ABCC1: variants seen among roughly 807,000 people sequenced by gnomAD.
ABCC1 encodes the protein multidrug resistance-associated protein 1.
A neutral mutation model predicts 172.9 loss-of-function variants in ABCC1; 83 were observed. The ratio of observed to expected loss-of-function variants is 0.48; its 90% CI spans 0.40 to 0.58. The LOEUF (loss-of-function observed/expected upper bound fraction) is 0.58, where lower values mean the gene tolerates loss of function less well. Among genes scored for constraint, ABCC1 ranks in the 20% least tolerant of loss-of-function variants. The probability of loss-of-function intolerance (pLI) is 0.00; values close to 1 mark genes in which losing one functional copy is unlikely to be tolerated. For missense variants in ABCC1, 1,817 were observed against 2,002.7 expected, an observed-to-expected ratio of 0.91 and a Z score of 1.77; for synonymous variants, 937 against 825.2, an observed-to-expected ratio of 1.14 and a Z score of -2.32.
Position 16,124,896 on chromosome 16 carries a change from C to T in ABCC1, c.3698C>T (p.Ser1233Leu), listed in dbSNP as rs1398103636. The T allele has an allele frequency of 6.2e-7, 1 of 1,614,078 alleles. No homozygotes were observed. Among genetic ancestry groups the T allele is most frequent in the Non-Finnish European group, 8.5e-7 (1 of 1,180,054 alleles). ...CTCAGTGCTGGCTTGGTGGGCCTCT[C>T]AGTGTCTTACTCATTGCAGGTAAGA... The part of the protein sequence containing the change: ...HSLSAGLVGL[S>L]VSYSLQVTTY... The change falls in exon 25 of 31, where the codon TCA (serine) becomes TTA (leucine). Residue 1233 changes from serine to leucine, a missense_variant. Ser to Leu is a moderately radical substitution (Grantham distance 145). Coordinates refer to ENST00000399410, the MANE Select transcript of ABCC1 (RefSeq NM_004996.4).
Position 16,043,243 on chromosome 16 carries a change from T to TTTTTTTTCC in ABCC1, c.810-1207_810-1206insTTTTTTTCC, listed in dbSNP as rs1021835519. 4.9e-4 allele frequency among the ~76,000 whole-genome samples: 69 copies of TTTTTTTTCC among 140,856 alleles called. 3 individuals carry two copies. The highest frequency in any genetic ancestry group is 1.3e-3 in the South Asian group (6 of 4,532). The allele number at this position is 140,856 out of a possible 152,430, so 92.4% of individuals were successfully genotyped here. A position where few individuals can be genotyped will look rare whatever the true frequency, so the allele number is the denominator to read the frequency against. On this transcript the variant is annotated intron_variant, in intron 7 of 30. Coordinates refer to ENST00000399410, the MANE Select transcript of ABCC1 (RefSeq NM_004996.4). ...GACTGTTTTTTTTTTTTTTTTTTTT[T>TTTTTTTTCC]CCACTGATGTATATATGCCTATCCC...
chr16:16,105,643 A>T (rs1449994598), intron 20 of ABCC1, among the ~76,000 whole-genome samples: 1 of 151,854 alleles, frequency 6.6e-6, no homozygotes. Flanking sequence ...AGAGGAAAGT[A>T]TAGAAATTTC....
At chr16:16,086,563 T>A (rs554378652) in intron 17 of ABCC1, among the ~76,000 whole-genome samples, 18 of 152,312 alleles carry the variant, frequency 1.2e-4, no homozygotes, top group African/African-American at 4.3e-4. Flanking sequence ...CAAGCCATCT[T>A]CCCACTCAGC....
intron 22 of ABCC1, 30 bp from the exon 23 acceptor site, chr16:16,114,736 T>C (rs1265711746): frequency 6.4e-7 from 1 of 1,560,800 alleles, no homozygotes; most frequent in African/African-American, 1.3e-5. Context: ...CCTCTCTGCA[T>C]TGTGGAGTTT....
chr16:15,979,969 G>A (rs1483916054), intron 1 of ABCC1, among the ~76,000 whole-genome samples: 1 of 152,086 alleles, frequency 6.6e-6, no homozygotes, highest in Non-Finnish European at 1.5e-5. Flanking sequence ...CACAGTGAGT[G>A]GGGAGTGACA....
intron 23 of ABCC1, among the ~76,000 whole-genome samples, chr16:16,121,162 C>A (rs1301898193): frequency 6.6e-6 from 1 of 152,172 alleles, no homozygotes; most frequent in East Asian, 1.9e-4. Context: ...GTCACCCTCA[C>A]AATGACCCCG....
intron 1 of ABCC1, among the ~76,000 whole-genome samples, chr16:15,982,535 A>C (rs1187504324): frequency 6.6e-6 from 1 of 151,540 alleles, no homozygotes; most frequent in Non-Finnish European, 1.5e-5. Flanking sequence ...CACCCCCATG[A>C]TTCAGTTACC....
At chr16:16,082,692 G>T (rs1191400495) in intron 16 of ABCC1, among the ~76,000 whole-genome samples, 1 of 152,200 alleles carries the variant, frequency 6.6e-6, no homozygotes, top group Non-Finnish European at 1.5e-5. Context: ...GGTCCAGGCT[G>T]GAGTGCAGTG....
intron 5 of ABCC1, among the ~76,000 whole-genome samples, chr16:16,025,537 G>C (rs566005166): frequency 6.6e-6 from 1 of 152,174 alleles, no homozygotes; most frequent in Non-Finnish European, 1.5e-5. Context: ...CAGGGGTTGT[G>C]GGGGGCACTT....
intron 30 of ABCC1, among the ~76,000 whole-genome samples, chr16:16,139,572 A>C (rs1312447773): frequency 1.4e-5 from 2 of 139,440 alleles, no homozygotes; most frequent in Non-Finnish European, 1.5e-5. Context: ...AGATTGTGCC[A>C]CTGCAGTCCA....
At chr16:16,010,025 AT>A in intron 3 of ABCC1, 124 bp downstream of exon 3, 1 of 345,062 alleles carries the variant, frequency 2.9e-6, no homozygotes, top group Non-Finnish European at 4.5e-6. Flanking sequence ...TGGGATATAA[AT>A]TAAATGTAGC....
chr16:16,035,699 TG>T (rs2048727551), intron 6 of ABCC1, among the ~76,000 whole-genome samples: 1 of 151,680 alleles, frequency 6.6e-6, no homozygotes, highest in Non-Finnish European at 1.5e-5. Context: ...CTCCCTATGT[TG>T]TCCAGGCTGG....
chr16:16,095,735 A>T (rs1247435573), intron 19 of ABCC1, among the ~76,000 whole-genome samples: 1 of 152,084 alleles, frequency 6.6e-6, no homozygotes, highest in East Asian at 1.9e-4. Flanking sequence ...TCTGTTGCCC[A>T]GGCTGGTCTC....
intron 1 of ABCC1, among the ~76,000 whole-genome samples, chr16:15,964,514 G>A (rs1393381750): frequency 1.3e-5 from 2 of 152,100 alleles, no homozygotes; most frequent in Non-Finnish European, 2.9e-5. Flanking sequence ...TGGGATTTAG[G>A]TGGGGACACA....
intron 27 of ABCC1, among the ~76,000 whole-genome samples, chr16:16,133,370 C>CTT (rs1555504064): frequency 9.5e-6 from 1 of 104,882 alleles, no homozygotes; most frequent in South Asian, 3.8e-4. Flanking sequence ...TTCTTGCTGT[C>CTT]TTTTTTTGTT....
At chr16:16,138,255 G>A (rs1459149631) in intron 29 of ABCC1, 109 bp from the exon 30 acceptor site, 1 of 1,038,920 alleles carries the variant, frequency 9.6e-7, no homozygotes, top group South Asian at 1.7e-5. Context: ...TGCTTTCCTG[G>A]TCAAGCAACA....
intron 13 of ABCC1, among the ~76,000 whole-genome samples, chr16:16,071,305 C>G (rs1567371575): frequency 6.6e-6 from 1 of 150,720 alleles, no homozygotes; most frequent in Admixed American, 6.6e-5. Flanking sequence ...ACCATGTTGG[C>G]CAGGCTGGTC....
chr16:15,961,025 A>T (rs410375), intron 1 of ABCC1, among the ~76,000 whole-genome samples: 1,512 of 12,580 alleles, frequency 0.12, 26 homozygotes, highest in Non-Finnish European at 0.15. Flanking sequence ...TTTTTTTTTT[A>T]AAATAGATGG....
chr16:16,038,551 A>G (rs1385660649), intron 7 of ABCC1, among the ~76,000 whole-genome samples: 1 of 152,130 alleles, frequency 6.6e-6, no homozygotes, highest in Non-Finnish European at 1.5e-5. Context: ...GGGCGGTGCC[A>G]CCCACATGGG....
Sources: allele counts gnomAD v4.1 joint callset (sites outside exome capture counted in the v4.1 genomes callset), GRCh38; gene constraint gnomAD v4.1.1; transcripts MANE v1.5; gene names NCBI Gene and HGNC (gene_info 2026-07-23, HGNC 2026-07-21).